MAN2C1: variants seen among roughly 807,000 people sequenced by gnomAD.
MAN2C1 encodes the protein mannosidase alpha class 2C member 1.
A neutral mutation model predicts 126.9 loss-of-function variants in MAN2C1; 111 were observed. That is an observed-to-expected ratio of 0.87 (90% confidence interval 0.75 to 1.02). The LOEUF (loss-of-function observed/expected upper bound fraction) is 1.02. Among genes scored for constraint, MAN2C1 ranks in the 50% least tolerant of loss-of-function variants. The pLI is 0.00. For synonymous variants in MAN2C1, 567 were observed against 561.5 expected (o/e 1.01, Z -0.14); for missense variants, 1,363 against 1,364.4 (o/e 1.00, Z 0.02).
chr15:75,368,412 G>T, intron 1 of MAN2C1, 71 bp downstream of exon 1: 2 of 1,495,170 alleles, frequency 1.3e-6, no homozygotes, highest in Non-Finnish European at 1.8e-6. Flanking sequence ...TGCAGCTTAG[G>T]TTTCTCCCCG....
Position 75,364,781 on chromosome 15 carries a change from C to T in MAN2C1, c.423-116G>A. 5 of 887,946 alleles carry T rather than the reference C, an allele frequency of 5.6e-6. No individual in the cohort carries two copies. In the South Asian group the frequency reaches 9.6e-5, roughly 17 times the overall value. 55.0% of individuals were successfully genotyped at this position (887,946 alleles called of 1,614,324 possible). A position where few individuals can be genotyped will look rare whatever the true frequency, so the allele number is the denominator to read the frequency against. Reference sequence around the variant, plus strand: ...GCCCAACCTGTCTGCTTCCAGGATCCACTACCCAGAGGATCCCACAGTGTG... The same window carrying T: ...GCCCAACCTGTCTGCTTCCAGGATCTACTACCCAGAGGATCCCACAGTGTG... On this transcript the variant is annotated intron_variant, in intron 4 of 25. Coordinates refer to ENST00000267978, the MANE Select transcript of MAN2C1 (RefSeq NM_006715.4).
intron 19 of MAN2C1, 41 bp downstream of exon 19, chr15:75,358,663 C>T: frequency 7.5e-7 from 1 of 1,332,556 alleles, no homozygotes; most frequent in Non-Finnish European, 1.0e-6. Context: ...AGCCTGTGTT[C>T]CCACCACCTC....
At chr15:75,368,316 C>T in intron 1 of MAN2C1, 118 bp from the exon 2 acceptor site, 1 of 1,476,378 alleles carries the variant, frequency 6.8e-7, no homozygotes, top group South Asian at 1.2e-5. Context: ...TGCCTGGCCG[C>T]TCCGCGGCAC....
In MAN2C1 at chr15:75,359,395, G is replaced by A. The variant is rs376504465; in HGVS notation, c.1979C>T (p.Ala660Val). 1.9e-6 allele frequency: 3 copies of A among 1,610,294 alleles called. No homozygotes were observed. Among genetic ancestry groups the A allele is most frequent in the African/African-American group, 2.7e-5 (2 of 74,884 alleles). The change falls in exon 17 of 26, where the codon GCT becomes GTT. Residue 660 changes from alanine (A) to valine (V), a missense_variant. By Grantham distance (64) the Ala-to-Val change is moderately conservative (BLOSUM62 0). This residue lies in a region of MAN2C1 where 668 missense variants were observed against 650.1 expected (regional missense o/e 1.03). Transcript: ENST00000267978. ...ALVTVPSMGY[A>V]PVPPPTSLQP... ...CAGTGAGGTGGGGGGAGGAACAGGA[G>A]CATAGCCCATGCTGGGCACTGTCAC...
At position 75,363,650 on chromosome 15, in the gene MAN2C1, AC is replaced by A. The variant is rs371406680; in HGVS notation, c.790+348del. ...GTGAAACCCCGTCTCTACTAAAAAT[AC>A]AAAAATTAACCAGGCATTGTGGTGG... On this transcript the variant is annotated intron_variant, in intron 6 of 25. Coordinates refer to ENST00000267978, the MANE Select transcript of MAN2C1 (RefSeq NM_006715.4). 1.3e-4 allele frequency: 45 copies of A among 334,634 alleles called. No individual in the cohort carries two copies. In the East Asian group the frequency reaches 1.9e-3, roughly 14 times the overall value. 20.7% of individuals were successfully genotyped at this position (334,634 alleles called of 1,614,324 possible). A position where few individuals can be genotyped will look rare whatever the true frequency, so the allele number is the denominator to read the frequency against.
chr15:75,363,642 C>A (rs2072519947), intron 6 of MAN2C1: 1 of 332,696 alleles, frequency 3.0e-6, no homozygotes, highest in African/African-American at 2.2e-5. Flanking sequence ...CCCGTCTCTA[C>A]TAAAAATACA....
Position 75,358,442 on chromosome 15 carries a change from A to G in MAN2C1, c.2403+20T>C. Reference sequence around the variant, plus strand: ...CCAAGCACACTTGGGGAAAACAGCCACCCCCTACCCCCCGACTACCTCGGT... The same window carrying G: ...CCAAGCACACTTGGGGAAAACAGCCGCCCCCTACCCCCCGACTACCTCGGT... On this transcript the variant is annotated intron_variant, in intron 20 of 25. Coordinates refer to ENST00000267978, the MANE Select transcript of MAN2C1 (RefSeq NM_006715.4). The G allele has an allele frequency of 1.2e-6, 2 of 1,612,752 alleles. No individual in the cohort carries two copies. The highest frequency in any genetic ancestry group is 1.7e-6 in the Non-Finnish European group (2 of 1,179,498).
In MAN2C1 at chr15:75,356,785, C is replaced by G; in HGVS notation, c.2657+8G>C. The stretch of plus-strand genomic sequence containing the variant: ...CCAGCTCCCAGGCCTGGTGGGTACC[C>G]CACTTACAGCGAGAGGCTGAGGATG... On this transcript the variant is annotated splice_region_variant and intron_variant, in intron 22 of 25. Coordinates refer to ENST00000267978, the MANE Select transcript of MAN2C1 (RefSeq NM_006715.4). The surrounding 1 kb of genome is among the most constrained non-coding windows in gnomAD (Gnocchi z 5.8). The G allele has an allele frequency of 6.2e-7, 1 of 1,613,960 alleles. No individual in the cohort carries two copies. The highest frequency in any genetic ancestry group is 8.5e-7 in the Non-Finnish European group (1 of 1,179,978).
In MAN2C1 at chr15:75,359,133, CAG is replaced by C. The variant is rs747764059; in HGVS notation, c.2065_2066del (p.Leu689GlyfsTer30). 7 of 1,613,906 alleles carry C rather than the reference CAG, an allele frequency of 4.3e-6. No homozygotes were observed. The East Asian group carries it at 1.3e-4, about 31-fold the overall frequency. ...VVQETDGSVTLDNGIIRVKLD... is the reference protein window; with the variant it reads ...VVQETDGSVTXDNGIIRVKLD... The stretch of plus-strand genomic sequence containing the variant: ...GCTTCACTCGGATGATGCCATTGTC[CAG>C]AGTCACGGAGCCATCAGTCTTTGTG... On this transcript the variant is annotated frameshift_variant, in exon 18 of 26. Coordinates refer to ENST00000267978, the MANE Select transcript of MAN2C1 (RefSeq NM_006715.4). LOFTEE classifies it high-confidence loss of function.
At chr15:75,367,490 C>T (rs761897640) in intron 3 of MAN2C1, 21 bp downstream of exon 3, 2 of 1,612,448 alleles carry the variant, frequency 1.2e-6, no homozygotes, top group Non-Finnish European at 1.7e-6. Context: ...CCATACCTGG[C>T]CCTAGGACAG....
intron 20 of MAN2C1, 24 bp downstream of exon 20, chr15:75,358,438 A>G (rs1395453578): frequency 6.2e-7 from 1 of 1,613,122 alleles, no homozygotes; most frequent in East Asian, 2.2e-5. Context: ...TGGGGAAAAC[A>G]GCCACCCCCT....
At position 75,368,086 on chromosome 15, in the gene MAN2C1, T is replaced by C; in HGVS notation, c.214A>G (p.Ser72Gly). The C allele has an allele frequency of 6.2e-7, 1 of 1,607,654 alleles. No homozygotes were observed. ...RDFRPAQVGD[S>G]FGPTWWTCWF... ...GGCGTTACCTACGTGGGTCCGAAGC[T>C]GTCGCCGACCTGCGCGGGGCGGAAG... Residue 72 changes from serine to glycine, a missense_variant, in exon 2 of 26, where the codon AGC becomes GGC. By Grantham distance (56) the Ser-to-Gly change is moderately conservative. This residue lies in a region of MAN2C1 where 628 missense variants were observed against 609.8 expected (regional missense o/e 1.03). Coordinates refer to ENST00000267978, the MANE Select transcript of MAN2C1 (RefSeq NM_006715.4).
In MAN2C1 at chr15:75,356,714, C is replaced by T. The variant is rs1211434763; in HGVS notation, c.2658-29G>A. 5 of 1,611,116 alleles carry T rather than the reference C, an allele frequency of 3.1e-6. No homozygotes were observed. The African/African-American group carries it at 4.0e-5, about 13-fold the overall frequency. The stretch of plus-strand genomic sequence containing the variant: ...GGGTGAGGAGGGCGCGTAGGGGCCA[C>T]GCTGAAGCTGTTGGAGTTGTGGTCG... On this transcript the variant is annotated intron_variant, in intron 22 of 25. Transcript: ENST00000267978. The surrounding 1 kb of genome is among the most constrained non-coding windows in gnomAD (Gnocchi z 5.8).
chr15:75,362,347 TCCACCCAGGTG>T lies in MAN2C1; in HGVS notation c.993_1003del (p.Thr332AspfsTer32), dbSNP rs773286260. The T allele has an allele frequency of 5.6e-6, 9 of 1,613,636 alleles. No homozygotes were observed. The highest frequency in any genetic ancestry group is 6.8e-6 in the Non-Finnish European group (8 of 1,179,830). The stretch of plus-strand genomic sequence containing the variant: ...AGGAGTGCCCAGTGCACTTACCATC[TCCACCCAGGTG>T]CCCCCCACAGGCACAAACTGCCCAC... On this transcript the variant is annotated frameshift_variant, in exon 8 of 26. Transcript: ENST00000267978. LOFTEE classifies it high-confidence loss of function. The surrounding 1 kb of genome is among the most constrained non-coding windows in gnomAD (Gnocchi z 4.5).
intron 4 of MAN2C1, chr15:75,365,799 ACTGGGCCAGGTG>A (rs1408947063): frequency 4.0e-6 from 1 of 251,770 alleles, no homozygotes; most frequent in Non-Finnish European, 8.1e-6. Context: ...GAACATGAAT[ACTGGGCCAGGTG>A]CGGTGGCTCA....
chr15:75,358,576 G>A lies in MAN2C1; in HGVS notation c.2289C>T (p.Thr763=), dbSNP rs200616363. The change falls in exon 20 of 26, where the codon ACC becomes ACT. Residue 763 remains threonine, a synonymous_variant. Transcript: ENST00000267978. ...AGGCGCTGCCCCGCAGGCCGCCCTC[G>A]GTGCCCACTGCCAGGGTCCCTGCCT... The part of the protein sequence containing the change: ...LGQAGTLAVG[T]EGGLRGSAWF... The A allele has an allele frequency of 2.2e-5, 35 of 1,613,202 alleles. No homozygotes were observed. The highest frequency in any genetic ancestry group is 2.6e-5 in the Non-Finnish European group (31 of 1,179,992).
At position 75,364,096 on chromosome 15, in the gene MAN2C1, G is replaced by A; in HGVS notation, c.693C>T (p.Phe231=). 1.2e-6 allele frequency: 2 copies of A among 1,614,218 alleles called. No homozygotes were observed. Among genetic ancestry groups the A allele is most frequent in the Non-Finnish European group, 1.7e-6 (2 of 1,180,024 alleles). The change falls in exon 6 of 26, where the codon TTC becomes TTT. Residue 231 remains phenylalanine (F), a synonymous_variant. Transcript: ENST00000267978. The stretch of plus-strand genomic sequence containing the variant: ...TGGAGGCCAGGGCCTGGGCCACTGG[G>A]AAGGTCTCGGGCTGGGCAGGGTCAC... The part of the protein sequence containing the change: ...NVCDPAQPET[F]PVAQALASRF...
In MAN2C1 at chr15:75,361,555, G is replaced by A; in HGVS notation, c.1218+49C>T. The A allele has an allele frequency of 6.9e-7, 1 of 1,455,980 alleles. No individual in the cohort carries two copies. Among genetic ancestry groups the A allele is most frequent in the Non-Finnish European group, 9.6e-7 (1 of 1,036,630 alleles). The allele number at this position is 1,455,980 out of a possible 1,614,324, so 90.2% of individuals were successfully genotyped here. ...ATAAGGGGGAGAGGCAAATGGGCCAGGCGGGACTGAGGCCCACTCTGACCC... is the reference window on the plus strand; with the variant it reads ...ATAAGGGGGAGAGGCAAATGGGCCAAGCGGGACTGAGGCCCACTCTGACCC... On this transcript the variant is annotated intron_variant, in intron 10 of 25. Transcript: ENST00000267978. This position sits in a 1 kb window ranked among gnomAD's most constrained non-coding sequence, Gnocchi z 5.0.
chr15:75,359,522 C>T, intron 16 of MAN2C1, 97 bp from the exon 17 acceptor site: 1 of 1,563,380 alleles, frequency 6.4e-7, no homozygotes, highest in Non-Finnish European at 8.7e-7. Flanking sequence ...TACTACTCTC[C>T]AGTCAGGGGC....
Sources: gnomAD v4.1 joint callset for allele counts on GRCh38, gnomAD v4.1.1 for gene constraint, gnomAD v4.1.1 regional missense constraint, Gnocchi (gnomAD v3.1) non-coding constraint, MANE v1.5 for transcripts, NCBI Gene and HGNC (gene_info 2026-07-23, HGNC 2026-07-21) for gene names.